The following TUBGCP4 variants were observed in gnomAD, a reference collection of about 807,000 sequenced individuals.
The protein encoded by TUBGCP4 is gamma-tubulin complex component 4.
TUBGCP4 carries 54 observed loss-of-function variants against 91.6 expected under a neutral mutation model. That is an observed-to-expected ratio of 0.59 (90% CI 0.47 to 0.74). The LOEUF (loss-of-function observed/expected upper bound fraction) is 0.74, where lower values mean the gene tolerates loss of function less well. Among genes scored for constraint, TUBGCP4 ranks in the 30% least tolerant of loss-of-function variants. TUBGCP4 has a pLI of 0.00. For missense variants in TUBGCP4, 593 were observed against 800.9 expected (o/e 0.74, Z 3.13); for synonymous variants, 297 against 302.8 (o/e 0.98, Z 0.20).
intron 14 of TUBGCP4, among the ~76,000 whole-genome samples, chr15:43,400,778 C>T (rs913667407): frequency 2.0e-5 from 3 of 152,012 alleles, no homozygotes; most frequent in African/African-American, 4.8e-5. Context: ...ATTAGCCAAG[C>T]GTGGTGGCGC....
chr15:43,385,574 C>T (rs1171864329), intron 7 of TUBGCP4: 1 of 546,560 alleles, frequency 1.8e-6, no homozygotes, highest in Admixed American at 3.1e-5. Context: ...GGCCCAAATC[C>T]CAGTATTTAA....
At chr15:43,404,063 C>A in intron 16 of TUBGCP4, 1 of 530,244 alleles carries the variant, frequency 1.9e-6, no homozygotes, top group South Asian at 2.6e-5. Context: ...AACTTCCTCA[C>A]ATCCTCCCCC....
chr15:43,400,040 C>G lies in TUBGCP4; in HGVS notation c.1419-4C>G, dbSNP rs772026925. The stretch of plus-strand genomic sequence containing the variant: ...TCTTGAATATCCTGTTATTTCTGTC[C>G]TAGGTACAATGTTGTTTTTAAGTAC... On this transcript the variant is annotated splice_region_variant and splice_polypyrimidine_tract_variant and intron_variant, in intron 13 of 17. Coordinates refer to ENST00000564079, the MANE Select transcript of TUBGCP4 (RefSeq NM_014444.5). The G allele has an allele frequency of 6.2e-7, 1 of 1,604,420 alleles. No homozygotes were observed. The highest frequency in any genetic ancestry group is 8.5e-7 in the Non-Finnish European group (1 of 1,172,624).
At chr15:43,392,550 G>C (rs2044493581) in intron 9 of TUBGCP4, among the ~76,000 whole-genome samples, 1 of 152,148 alleles carries the variant, frequency 6.6e-6, no homozygotes, top group Non-Finnish European at 1.5e-5. Context: ...CCAGGCTGGA[G>C]TGCAGTGGCG....
chr15:43,397,925 T>C, intron 12 of TUBGCP4, 116 bp from the exon 13 acceptor site: 2 of 1,049,282 alleles, frequency 1.9e-6, no homozygotes, highest in Non-Finnish European at 2.7e-6. Context: ...TTGCCCAGAC[T>C]GGTCTTGAAC....
intron 9 of TUBGCP4, among the ~76,000 whole-genome samples, chr15:43,393,180 C>T (rs564417421): frequency 4.0e-5 from 6 of 150,146 alleles, no homozygotes; most frequent in Middle Eastern, 3.5e-3. Context: ...ATCCATTCAT[C>T]CTTGATAAAT....
chr15:43,399,156 C>A, intron 13 of TUBGCP4: 1 of 1,258,052 alleles, frequency 7.9e-7, no homozygotes, highest in Non-Finnish European at 1.0e-6. Flanking sequence ...CTGTCTTCTG[C>A]AAGCCTACCT....
Position 43,371,342 on chromosome 15 carries a change from G to A in TUBGCP4, c.-13G>A. Reference sequence around the variant, plus strand: ...GGGGTGACATAACCAGGGACTCGAGGTCCGCCGTGGGAATGATCCACGAAC... The same window carrying A: ...GGGGTGACATAACCAGGGACTCGAGATCCGCCGTGGGAATGATCCACGAAC... On this transcript the variant is annotated 5_prime_UTR_variant, in exon 1 of 18. Transcript: ENST00000564079. The A allele has an allele frequency of 1.2e-6, 2 of 1,613,320 alleles. No homozygotes were observed. The highest frequency in any genetic ancestry group is 3.3e-4 in the Middle Eastern group (2 of 6,062).
chr15:43,403,776 G>A lies in TUBGCP4; in HGVS notation c.1825G>A (p.Ala609Thr), dbSNP rs770105036. The change falls in exon 16 of 18, where the codon GCC becomes ACC. Residue 609 changes from alanine (A) to threonine (T), a missense_variant. By Grantham distance (58) the Ala-to-Thr change is moderately conservative. Coordinates refer to ENST00000564079, the MANE Select transcript of TUBGCP4 (RefSeq NM_014444.5). ...AGGCCCACTGGATGAGCGTGGAGCC[G>A]CCCAGCTGAGCATTCTCGTGAAGGT... The part of the protein sequence containing the change: ...NLGPLDERGA[A>T]QLSILVKGFS... 14 of 1,613,678 alleles carry A rather than the reference G, an allele frequency of 8.7e-6. No homozygotes were observed. The highest frequency in any genetic ancestry group is 1.1e-5 in the South Asian group (1 of 91,040).
intron 1 of TUBGCP4, among the ~76,000 whole-genome samples, chr15:43,373,726 G>A (rs1233744214): frequency 6.7e-6 from 1 of 149,358 alleles, no homozygotes; most frequent in Non-Finnish European, 1.5e-5. Flanking sequence ...TCGGCTCACT[G>A]CAAGCTCCAC....
chr15:43,409,003 A>G lies in TUBGCP4; in HGVS notation c.*3789A>G. 1 of 1,614,182 alleles carries G rather than the reference A, an allele frequency of 6.2e-7. No individual in the cohort carries two copies. The highest frequency in any genetic ancestry group is 2.2e-5 in the East Asian group (1 of 44,878). On this transcript the variant is annotated 3_prime_UTR_variant, in exon 18 of 18. Coordinates refer to ENST00000564079, the MANE Select transcript of TUBGCP4 (RefSeq NM_014444.5). Reference sequence around the variant, plus strand: ...CAACTATCATGGACCCAGACATGAGACACACAAGGAATCCCACTGGCAAGG... The same window carrying G: ...CAACTATCATGGACCCAGACATGAGGCACACAAGGAATCCCACTGGCAAGG...
intron 7 of TUBGCP4, 158 bp from the exon 8 acceptor site, chr15:43,385,633 A>G (rs760348126): frequency 3.9e-5 from 27 of 687,852 alleles, no homozygotes; most frequent in Non-Finnish European, 6.1e-5. Context: ...GATGAAATAC[A>G]TCTCTCCAAA....
intron 7 of TUBGCP4, among the ~76,000 whole-genome samples, chr15:43,385,092 G>A (rs1453590211): frequency 6.6e-6 from 1 of 152,174 alleles, no homozygotes; most frequent in Non-Finnish European, 1.5e-5. Context: ...CGGGGAAGAA[G>A]ATGGGTCTAA....
intron 9 of TUBGCP4, among the ~76,000 whole-genome samples, chr15:43,392,660 G>A (rs923746773): frequency 3.3e-5 from 5 of 151,936 alleles, no homozygotes; most frequent in Non-Finnish European, 5.9e-5. Context: ...CACTACGCCC[G>A]GCTAATTTTT....
In TUBGCP4 at chr15:43,380,101, C is replaced by A; in HGVS notation, c.459C>A (p.Ile153=). 2 of 1,614,082 alleles carry A rather than the reference C, an allele frequency of 1.2e-6. No homozygotes were observed. Among genetic ancestry groups the A allele is most frequent in the Non-Finnish European group, 1.7e-6 (2 of 1,179,924 alleles). The change falls in exon 6 of 18, where the codon ATC becomes ATA. Residue 153 remains isoleucine, a synonymous_variant. Transcript: ENST00000564079. ...TTCCACAGATTCATGGTTGTCAAAT[C>A]CTGGAAACAGTCTACAAACACAGCT... ...IKSQKIHGCQ[I]LETVYKHSCG... is the part of the protein sequence containing the mutation.
In TUBGCP4 at chr15:43,397,286, A is replaced by C. The variant is rs2044597479; in HGVS notation, c.1244A>C (p.His415Pro). The C allele has an allele frequency of 1.9e-6, 3 of 1,614,126 alleles. No individual in the cohort carries two copies. Among genetic ancestry groups the C allele is most frequent in the Non-Finnish European group, 2.5e-6 (3 of 1,179,994 alleles). The change falls in exon 12 of 18, where the codon CAC becomes CCC. Residue 415 changes from histidine to proline, a missense_variant. Transcript: ENST00000564079. ...LDDDNLLPLL[H>P]LTIEYHGKEH... The stretch of plus-strand genomic sequence containing the variant: ...GATGACAACCTTCTCCCTCTGTTGC[A>C]CTTGACAATCGAGTATCACGGAAAG...
At chr15:43,392,867 A>G (rs373074833) in intron 9 of TUBGCP4, among the ~76,000 whole-genome samples, 1 of 152,040 alleles carries the variant, frequency 6.6e-6, no homozygotes, top group African/African-American at 2.4e-5. Context: ...CTTTCAAATC[A>G]TATTTACCTG....
At chr15:43,397,815 A>G (rs757542922) in intron 12 of TUBGCP4, among the ~76,000 whole-genome samples, 4 of 152,120 alleles carry the variant, frequency 2.6e-5, no homozygotes, top group Non-Finnish European at 4.4e-5. Context: ...GGTTCAAACA[A>G]TTCTCATGCC....
At chr15:43,387,687 C>T (rs1026570368) in intron 9 of TUBGCP4, among the ~76,000 whole-genome samples, 2 of 150,854 alleles carry the variant, frequency 1.3e-5, no homozygotes, top group Non-Finnish European at 3.0e-5. Flanking sequence ...GTCTCAAACT[C>T]GTGAGCTCAA....
Sources: gnomAD v4.1 joint callset for allele counts (sites outside exome capture counted in the v4.1 genomes callset) on GRCh38, gnomAD v4.1.1 for gene constraint, MANE v1.5 for transcripts, NCBI Gene and HGNC (gene_info 2026-07-23, HGNC 2026-07-21) for gene names.